CRYBG1: variants seen among roughly 807,000 people sequenced by gnomAD.
CRYBG1 encodes the protein beta/gamma crystallin domain-containing protein 1.
In CRYBG1, 139 loss-of-function variants were observed where a neutral mutation model predicts 189.2. The ratio of observed to expected loss-of-function variants is 0.73; its 90% CI spans 0.64 to 0.85. The LOEUF (loss-of-function observed/expected upper bound fraction) is 0.85, where lower values mean the gene tolerates loss of function less well. Among genes scored for constraint, CRYBG1 ranks in the 40% least tolerant of loss-of-function variants. The pLI is 0.00. For missense variants in CRYBG1, 2,611 were observed against 2,675.8 expected (o/e 0.98, Z 0.53); for synonymous variants, 1,023 against 1,017.1 (o/e 1.01, Z -0.11).
intron 2 of CRYBG1, among the ~76,000 whole-genome samples, chr6:106,482,295 A>G (rs1268139016): frequency 9.8e-5 from 15 of 152,332 alleles, no homozygotes; most frequent in African/African-American, 3.6e-4. Flanking sequence ...CCTACTCAGG[A>G]TAATCTCCCT....
Position 106,525,166 on chromosome 6 carries a change from C to G in CRYBG1, c.4279C>G (p.Pro1427Ala), listed in dbSNP as rs373990804. The G allele has an allele frequency of 6.2e-7, 1 of 1,614,110 alleles. No individual in the cohort carries two copies. Among genetic ancestry groups the G allele is most frequent in the Non-Finnish European group, 8.5e-7 (1 of 1,179,988 alleles). ...AGGAAGTGTCCAAAATAAACTCAAT[C>G]CCCGACCTGGAAAGGTAAGATTATT... is the stretch of plus-strand genomic sequence containing the variant. Reference protein sequence around the residue: ...LRGSVQNKLNPRPGKVVIYSE... With the variant: ...LRGSVQNKLNARPGKVVIYSE... The change falls in exon 5 of 22, where the codon CCC becomes GCC. Residue 1427 changes from proline (P) to alanine (A), a missense_variant. Around this residue, in one of 3 missense-constraint regions of CRYBG1, gnomAD observed 1,622 missense variants for 1,735.0 expected, o/e 0.93. Coordinates refer to ENST00000633556, the MANE Select transcript of CRYBG1 (RefSeq NM_001371242.2).
At position 106,512,822 on chromosome 6, in the gene CRYBG1, C is replaced by G; in HGVS notation, c.1705C>G (p.Arg569Gly). The G allele has an allele frequency of 3.8e-6, 6 of 1,575,352 alleles. No individual in the cohort carries two copies. Among genetic ancestry groups the G allele is most frequent in the Non-Finnish European group, 5.2e-6 (6 of 1,160,242 alleles). The change falls in exon 3 of 22, where the codon CGC (arginine) becomes GGC (glycine). Residue 569 changes from arginine to glycine, a missense_variant. Around this residue, in one of 3 missense-constraint regions of CRYBG1, gnomAD observed 985 missense variants for 924.4 expected, o/e 1.07. Coordinates refer to ENST00000633556, the MANE Select transcript of CRYBG1 (RefSeq NM_001371242.2). The part of the protein sequence containing the change: ...SGEEAARAIP[R>G]ELPVKSSSLL... ...GGAGGAGGCGGCGCGGGCCATCCCCCGCGAGCTCCCGGTCAAGAGCAGCTC... is the reference window on the plus strand; with the variant it reads ...GGAGGAGGCGGCGCGGGCCATCCCCGGCGAGCTCCCGGTCAAGAGCAGCTC...
At chr6:106,482,876 T>C (rs1772500228) in intron 2 of CRYBG1, among the ~76,000 whole-genome samples, 1 of 152,228 alleles carries the variant, frequency 6.6e-6, no homozygotes, top group East Asian at 1.9e-4. Flanking sequence ...TGACATCTTG[T>C]AATTGTACAT....
chr6:106,565,655 T>C (rs1173407034), intron 21 of CRYBG1, among the ~76,000 whole-genome samples: 1 of 152,156 alleles, frequency 6.6e-6, no homozygotes, highest in Non-Finnish European at 1.5e-5. Context: ...TCATATAAAA[T>C]GCAAGTAGTA....
At chr6:106,446,039 G>A (rs1485068965) in intron 1 of CRYBG1, among the ~76,000 whole-genome samples, 1 of 151,946 alleles carries the variant, frequency 6.6e-6, no homozygotes, top group Non-Finnish European at 1.5e-5. Context: ...TCAGTCACAT[G>A]GTTTCTGAGG....
chr6:106,381,524 A>G (rs1770287878), intron 1 of CRYBG1, among the ~76,000 whole-genome samples: 1 of 152,260 alleles, frequency 6.6e-6, no homozygotes. Context: ...AGCAAACTCT[A>G]TGACAAGGAT....
chr6:106,474,955 G>T lies in CRYBG1; in HGVS notation c.312+23123G>T, dbSNP rs191558942. On this transcript the variant is annotated intron_variant, in intron 2 of 21. Coordinates refer to ENST00000633556, the MANE Select transcript of CRYBG1 (RefSeq NM_001371242.2). ...TTCCCTTTTGCCACCAATGTTGGGG[G>T]AAAACAGGTAGATTTTTTAAAAACA... Among the ~76,000 whole-genome samples the T allele has an allele frequency of 3.0e-3, 461 of 152,222 alleles. 2 individuals carry two copies. The highest frequency in any genetic ancestry group is 0.01 in the African/African-American group (435 of 41,528).
At chr6:106,451,965 T>C (rs1225146960) in intron 2 of CRYBG1, 133 bp downstream of exon 2, 1 of 396,584 alleles carries the variant, frequency 2.5e-6, no homozygotes, top group Non-Finnish European at 3.9e-6. Flanking sequence ...ATTATATATA[T>C]CATATGTAAT....
intron 1 of CRYBG1, among the ~76,000 whole-genome samples, chr6:106,424,587 G>A (rs947017170): frequency 2.0e-5 from 3 of 151,782 alleles, no homozygotes; most frequent in African/African-American, 2.4e-5. Flanking sequence ...TCAGCCTCCC[G>A]AGTAGCTGAG....
Position 106,544,542 on chromosome 6 carries a change from G to C in CRYBG1, c.5040-29G>C, listed in dbSNP as rs548718360. On this transcript the variant is annotated intron_variant, in intron 11 of 21. Coordinates refer to ENST00000633556, the MANE Select transcript of CRYBG1 (RefSeq NM_001371242.2). ...AAAAAATGTTAACATGTCTGGAAAT[G>C]ACTACTCCTCGTGTTCTTTATGTTG... 8.7e-6 allele frequency: 14 copies of C among 1,605,974 alleles called. No individual in the cohort carries two copies. The Admixed American group carries it at 2.1e-4, about 24-fold the overall frequency.
At position 106,555,789 on chromosome 6, in the gene CRYBG1, A is replaced by C. The variant is rs1466892169; in HGVS notation, c.5607A>C (p.Glu1869Asp). 21 of 1,614,178 alleles carry C rather than the reference A, an allele frequency of 1.3e-5. No homozygotes were observed. The highest frequency in any genetic ancestry group is 1.5e-5 in the Non-Finnish European group (18 of 1,180,022). ...SGGSWVVYDGENFTGNQYVLE... is the reference protein window; with the variant it reads ...SGGSWVVYDGDNFTGNQYVLE... ...GTAGCTGGGTTGTATATGATGGAGA[A>C]AATTTCACTGGTAATCAATACGTGT... is the stretch of plus-strand genomic sequence containing the variant. Residue 1869 changes from glutamate to aspartate, a missense_variant, in exon 17 of 22, where the codon GAA becomes GAC. By Grantham distance (45) the Glu-to-Asp change is conservative (BLOSUM62 2). Coordinates refer to ENST00000633556, the MANE Select transcript of CRYBG1 (RefSeq NM_001371242.2).
intron 1 of CRYBG1, among the ~76,000 whole-genome samples, chr6:106,419,508 G>T (rs1183480432): frequency 6.6e-6 from 1 of 152,110 alleles, no homozygotes; most frequent in Non-Finnish European, 1.5e-5. Context: ...TCAGCTCCCT[G>T]AGTAGCTGGG....
chr6:106,408,513 C>A (rs144026014), intron 1 of CRYBG1, among the ~76,000 whole-genome samples: 1,837 of 152,316 alleles, frequency 0.012, 24 homozygotes, highest in African/African-American at 0.042. Context: ...TCCTCCCTAA[C>A]TCATTTTATG....
In CRYBG1 at chr6:106,520,463, C is replaced by T. The variant is rs776198080; in HGVS notation, c.3255C>T (p.Ala1085=). The change falls in exon 4 of 22, where the codon GCC becomes GCT. Residue 1085 remains alanine, a synonymous_variant. Transcript: ENST00000633556. The part of the protein sequence containing the change: ...QTVTNGQDSP[A]SLLNISAGSD... ...TTACAAATGGCCAGGATAGCCCTGC[C>T]AGCCTTTTGAACATTTCTGCTGGTA... 7 of 1,614,140 alleles carry T rather than the reference C, an allele frequency of 4.3e-6. No individual in the cohort carries two copies. The highest frequency in any genetic ancestry group is 5.1e-6 in the Non-Finnish European group (6 of 1,180,022).
At chr6:106,447,727 G>C (rs1771694234) in intron 1 of CRYBG1, among the ~76,000 whole-genome samples, 2 of 152,068 alleles carry the variant, frequency 1.3e-5, no homozygotes, top group Admixed American at 6.5e-5. Context: ...TGTAGTTCCA[G>C]AGGTAACCAT....
chr6:106,364,310 A>G (rs1771939020), intron 1 of CRYBG1, among the ~76,000 whole-genome samples: 1 of 149,622 alleles, frequency 6.7e-6, no homozygotes, highest in Non-Finnish European at 1.5e-5. Flanking sequence ...CTGGGCAACA[A>G]GAGTGAAACT....
intron 2 of CRYBG1, among the ~76,000 whole-genome samples, chr6:106,481,148 G>T (rs1772444049): frequency 9.6e-6 from 1 of 104,488 alleles, no homozygotes; most frequent in Non-Finnish European, 1.8e-5. Flanking sequence ...TAATTTTTTT[G>T]TATTTTTAGT....
At chr6:106,518,565 T>G (rs1773494728) in intron 3 of CRYBG1, among the ~76,000 whole-genome samples, 1 of 152,218 alleles carries the variant, frequency 6.6e-6, no homozygotes, top group South Asian at 2.1e-4. Flanking sequence ...TCCCTAGAGT[T>G]TCTTGGCTAT....
intron 2 of CRYBG1, among the ~76,000 whole-genome samples, chr6:106,471,656 C>G (rs1784): frequency 0.15 from 22,149 of 152,028 alleles, 1,682 homozygotes; most frequent in South Asian, 0.25. Flanking sequence ...GCACTAACAA[C>G]AAGGTGACAG....
Sources: allele counts gnomAD v4.1 joint callset (sites outside exome capture counted in the v4.1 genomes callset), GRCh38; gene constraint gnomAD v4.1.1; regional missense constraint gnomAD v4.1.1; transcripts MANE v1.5; gene names NCBI Gene and HGNC (gene_info 2026-07-23, HGNC 2026-07-21).